Variants in TMC1 observed in about 807,000 individuals in gnomAD.
The protein encoded by TMC1 is transmembrane channel like 1.
TMC1 carries 84 observed loss-of-function variants against 105.8 expected under a neutral mutation model. The ratio of observed to expected loss-of-function variants is 0.79; its 90% CI spans 0.67 to 0.95. The LOEUF is 0.95. Among genes scored for constraint, TMC1 ranks in the 40% least tolerant of loss-of-function variants. TMC1 has a pLI of 0.00. For synonymous variants in TMC1, 315 were observed against 311.5 expected (o/e 1.01, Z -0.12); for missense variants, 817 against 914.1 (o/e 0.89, Z 1.37).
chr9:72,599,575 T>C (rs1355565804), intron 2 of TMC1, among the ~76,000 whole-genome samples: 1 of 152,038 alleles, frequency 6.6e-6, no homozygotes, highest in Non-Finnish European at 1.5e-5. Flanking sequence ...TCTCTCTATC[T>C]CCCTTTTTTT....
At position 72,824,431 on chromosome 9, in the gene TMC1, A is replaced by AG. The variant is rs545049835; in HGVS notation, c.2004-2436dup. On this transcript the variant is annotated intron_variant, in intron 20 of 23. Transcript: ENST00000297784. Reference sequence around the variant, plus strand: ...TCTTGTCCAGCATCCAAGAAGAATGAGGTCACATGGATTATTGAAGGATGG... The same window carrying AG: ...TCTTGTCCAGCATCCAAGAAGAATGAGGGTCACATGGATTATTGAAGGATGG... Among the ~76,000 whole-genome samples the AG allele has an allele frequency of 3.7e-4, 56 of 152,324 alleles. No individual in the cohort carries two copies. The South Asian group carries it at 0.011, about 31-fold the overall frequency.
intron 8 of TMC1, among the ~76,000 whole-genome samples, chr9:72,706,380 C>G (rs1304294667): frequency 6.6e-6 from 1 of 152,136 alleles, no homozygotes; most frequent in African/African-American, 2.4e-5. Context: ...GGATTATTTT[C>G]TTTTTTAAAT....
At chr9:72,765,668 G>A (rs929500425) in intron 12 of TMC1, among the ~76,000 whole-genome samples, 1 of 151,898 alleles carries the variant, frequency 6.6e-6, no homozygotes, top group African/African-American at 2.4e-5. Context: ...TCAAAAAAGA[G>A]CCTGATCAGG....
chr9:72,588,737 A>G (rs560737105), intron 2 of TMC1, among the ~76,000 whole-genome samples: 1 of 152,236 alleles, frequency 6.6e-6, no homozygotes, highest in South Asian at 2.1e-4. Flanking sequence ...GGCCCCAGAA[A>G]ACTGCTTCCC....
intron 19 of TMC1, among the ~76,000 whole-genome samples, chr9:72,819,003 C>T (rs1828830905): frequency 6.6e-6 from 1 of 152,126 alleles, no homozygotes; most frequent in Admixed American, 6.5e-5. Context: ...AGGCAAGTCT[C>T]GATTTTGAAT....
At chr9:72,749,550 A>G (rs1446592382) in intron 10 of TMC1, among the ~76,000 whole-genome samples, 4 of 152,082 alleles carry the variant, frequency 2.6e-5, no homozygotes, top group Non-Finnish European at 1.5e-5. Context: ...GAAGCAGACC[A>G]GTGCACCTGG....
intron 5 of TMC1, among the ~76,000 whole-genome samples, chr9:72,676,508 A>G (rs866299394): frequency 2.6e-5 from 4 of 152,270 alleles, no homozygotes; most frequent in South Asian, 4.1e-4. Context: ...GCAACCGTAC[A>G]CAATAATTAC....
At chr9:72,676,924 A>G (rs972913444) in intron 5 of TMC1, among the ~76,000 whole-genome samples, 3 of 151,992 alleles carry the variant, frequency 2.0e-5, no homozygotes, top group Non-Finnish European at 4.4e-5. Flanking sequence ...ACAAAAAGCA[A>G]ATATCCTGAA....
Position 72,830,694 on chromosome 9 carries a change from G to A in TMC1, c.2260+12G>A, listed in dbSNP as rs531785639. On this transcript the variant is annotated intron_variant, in intron 23 of 23. Coordinates refer to ENST00000297784, the MANE Select transcript of TMC1 (RefSeq NM_138691.3). The stretch of plus-strand genomic sequence containing the variant: ...AGCTGCACGAGCAGGTTGGAGATAC[G>A]TTTATGTTTGTAATGTTTGTAATTT... 1.9e-5 allele frequency: 30 copies of A among 1,593,732 alleles called. No individual in the cohort carries two copies. Among genetic ancestry groups the A allele is most frequent in the South Asian group, 7.9e-5 (7 of 89,056 alleles).
rs1318519289 is a variant in TMC1, at chr9:72,740,183, T to C, written c.427T>C (p.Phe143Leu). The change falls in exon 9 of 24, where the codon TTT becomes CTT. Residue 143 changes from phenylalanine to leucine, a missense_variant. By Grantham distance (22) the Phe-to-Leu change is conservative. Coordinates refer to ENST00000297784, the MANE Select transcript of TMC1 (RefSeq NM_138691.3). The stretch of plus-strand genomic sequence containing the variant: ...TGGGAAAGGAAAAGGAAAACGGTGG[T>C]TTGCATTTAAGATGATGATGGCCAA... The part of the protein sequence containing the change: ...ALGKGKGKRW[F>L]AFKMMMAKKW... 1 of 1,613,674 alleles carries C rather than the reference T, an allele frequency of 6.2e-7. No individual in the cohort carries two copies.
intron 15 of TMC1, among the ~76,000 whole-genome samples, chr9:72,791,374 G>A (rs572975744): frequency 2.5e-4 from 38 of 151,922 alleles, no homozygotes; most frequent in Admixed American, 2.0e-3. Flanking sequence ...TTATGTTTTC[G>A]GCCTTAAAAG....
chr9:72,659,828 T>C (rs1198186768), intron 5 of TMC1, among the ~76,000 whole-genome samples: 1 of 152,186 alleles, frequency 6.6e-6, no homozygotes, highest in East Asian at 1.9e-4. Flanking sequence ...AAAGAATTTC[T>C]AATGGGGCAG....
intron 12 of TMC1, among the ~76,000 whole-genome samples, chr9:72,763,085 C>CTTTTTTTTTTTTT (rs148498655): frequency 9.1e-6 from 1 of 109,514 alleles, no homozygotes; most frequent in Non-Finnish European, 1.9e-5. Flanking sequence ...CTAGCGATGC[C>CTTTTTTTTTTTTT]TTTTTTTTTT....
chr9:72,808,731 G>A (rs1161396113), intron 18 of TMC1, among the ~76,000 whole-genome samples: 1 of 152,196 alleles, frequency 6.6e-6, no homozygotes, highest in Non-Finnish European at 1.5e-5. Context: ...TGTTTGTAAT[G>A]TTTTTGAGTT....
intron 2 of TMC1, among the ~76,000 whole-genome samples, chr9:72,603,227 C>T (rs1055843874): frequency 2.0e-5 from 3 of 152,266 alleles, no homozygotes; most frequent in African/African-American, 2.4e-5. Flanking sequence ...AACTCATTGC[C>T]GGAGTCACTG....
intron 4 of TMC1, among the ~76,000 whole-genome samples, chr9:72,631,400 T>C (rs1825447656): frequency 6.6e-6 from 1 of 152,192 alleles, no homozygotes; most frequent in Non-Finnish European, 1.5e-5. Context: ...AAATTCTCAG[T>C]GTTAACTAGA....
chr9:72,575,504 C>G (rs1824364863), intron 1 of TMC1, among the ~76,000 whole-genome samples: 1 of 152,122 alleles, frequency 6.6e-6, no homozygotes, highest in Non-Finnish European at 1.5e-5. Flanking sequence ...AGATTAAATA[C>G]CATGTCGTTA....
intron 17 of TMC1, among the ~76,000 whole-genome samples, chr9:72,802,437 T>C (rs1828491276): frequency 6.6e-6 from 1 of 152,118 alleles, no homozygotes; most frequent in African/African-American, 2.4e-5. Context: ...TAATTGGAAG[T>C]AAAACACTTC....
At chr9:72,722,975 T>C (rs1266728028) in intron 8 of TMC1, among the ~76,000 whole-genome samples, 4 of 152,122 alleles carry the variant, frequency 2.6e-5, no homozygotes, top group Non-Finnish European at 5.9e-5. Context: ...AATAATGAAC[T>C]CAACTAAGGT....
Sources: allele counts gnomAD v4.1 joint callset (sites outside exome capture counted in the v4.1 genomes callset), GRCh38; gene constraint gnomAD v4.1.1; transcripts MANE v1.5; gene names NCBI Gene and HGNC (gene_info 2026-07-23, HGNC 2026-07-21).